The following PAX5 variants were observed in gnomAD, a reference collection of about 807,000 sequenced individuals.
The protein encoded by PAX5 is paired box protein Pax-5.
PAX5 carries 9 observed loss-of-function variants against 43.7 expected under a neutral mutation model. That is an observed-to-expected ratio of 0.21 (90% CI 0.12 to 0.36). PAX5 has a LOEUF of 0.36. Ranked by LOEUF, PAX5 falls within the 10% of genes least tolerant of loss-of-function variation. The pLI is 1.00. For synonymous variants in PAX5, 228 were observed against 214.3 expected, an observed-to-expected ratio of 1.06 and a Z score of -0.56; for missense variants, 383 against 532.7, an observed-to-expected ratio of 0.72 and a Z score of 2.77.
At chr9:36,885,867 C>T (rs955357251) in intron 7 of PAX5, among the ~76,000 whole-genome samples, 18 of 152,144 alleles carry the variant, frequency 1.2e-4, no homozygotes, top group Non-Finnish European at 7.3e-5. Context: ...GTTTTTAAAA[C>T]CAAATAAATT....
chr9:36,959,398 T>C (rs149066853), intron 6 of PAX5, among the ~76,000 whole-genome samples: 2 of 152,356 alleles, frequency 1.3e-5, no homozygotes, highest in African/African-American at 4.8e-5. Context: ...TGAGTTCTTT[T>C]AGCCTGTCTT....
intron 6 of PAX5, among the ~76,000 whole-genome samples, chr9:36,928,538 T>G (rs1198782469): frequency 2.0e-5 from 3 of 152,204 alleles, no homozygotes; most frequent in Non-Finnish European, 1.5e-5. Flanking sequence ...ACATCCTTAG[T>G]GCCCCCTAAG....
chr9:36,853,230 T>C (rs1232693828), intron 8 of PAX5, among the ~76,000 whole-genome samples: 1 of 151,946 alleles, frequency 6.6e-6, no homozygotes, highest in African/African-American at 2.4e-5. Flanking sequence ...TTTACTAGTT[T>C]TTTCTTTGGA....
At chr9:36,860,869 C>T (rs1824149770) in intron 8 of PAX5, 1 of 152,228 alleles carries the variant, frequency 6.6e-6, no homozygotes, top group South Asian at 2.1e-4. Flanking sequence ...TAGGATGACC[C>T]TCACAGCTCC....
At chr9:37,024,435 T>C (rs1442478528) in intron 1 of PAX5, among the ~76,000 whole-genome samples, 2 of 152,012 alleles carry the variant, frequency 1.3e-5, no homozygotes, top group African/African-American at 2.4e-5. Flanking sequence ...AGGAGGAAGG[T>C]GACGAAGTGG....
intron 1 of PAX5, among the ~76,000 whole-genome samples, chr9:37,025,446 C>G (rs1249318065): frequency 6.6e-6 from 1 of 152,110 alleles, no homozygotes; most frequent in East Asian, 1.9e-4. Context: ...GTGGGAGGAC[C>G]AGGCATGGGG....
chr9:36,943,921 C>T (rs1044895503), intron 6 of PAX5, among the ~76,000 whole-genome samples: 2 of 152,092 alleles, frequency 1.3e-5, no homozygotes, highest in African/African-American at 4.8e-5. Context: ...CTCAGTGGCT[C>T]ACACCTGTAA....
At chr9:36,891,989 C>T (rs553841361) in intron 7 of PAX5, among the ~76,000 whole-genome samples, 4 of 152,194 alleles carry the variant, frequency 2.6e-5, no homozygotes, top group African/African-American at 9.7e-5. Flanking sequence ...ATTTTGGAAG[C>T]GTGTTTGAAT....
intron 7 of PAX5, among the ~76,000 whole-genome samples, chr9:36,902,537 A>G (rs2131864046): frequency 6.6e-6 from 1 of 152,340 alleles, no homozygotes; most frequent in East Asian, 1.9e-4. Flanking sequence ...CAGGCCACAG[A>G]GAAACTAGGC....
chr9:36,978,430 C>T lies in PAX5; in HGVS notation c.605-11706G>A, dbSNP rs557056956. Among the ~76,000 whole-genome samples, 4 of 152,242 alleles carry T rather than the reference C, an allele frequency of 2.6e-5. No individual in the cohort carries two copies. In the East Asian group the frequency reaches 7.7e-4, roughly 29 times the overall value. The stretch of plus-strand genomic sequence containing the variant: ...TCATTTTAATTATACCTGGAAGGAC[C>T]TGGAAGGGATGCATACATCCCTTTT... On this transcript the variant is annotated intron_variant, in intron 5 of 9. Coordinates refer to ENST00000358127, the MANE Select transcript of PAX5 (RefSeq NM_016734.3).
Position 37,034,008 on chromosome 9 carries a change from C to T in PAX5, c.24G>A (p.Pro8=), listed in dbSNP as rs1424364311. 6.2e-7 allele frequency: 1 copy of T among 1,605,114 alleles called. No individual in the cohort carries two copies. The highest frequency in any genetic ancestry group is 1.4e-5 in the African/African-American group (1 of 73,404). The change falls in exon 1 of 10, where the codon CCG becomes CCA. Residue 8 remains proline (P), a synonymous_variant. Coordinates refer to ENST00000358127, the MANE Select transcript of PAX5 (RefSeq NM_016734.3). ...TACCTGTCCTGCTGGTCCGAGGAGT[C>T]GGATAATTTTTCTCTAAATCCATTT... MDLEKNY[P]TPRTSRTGHG...
chr9:36,941,500 C>CT (rs769040689), intron 6 of PAX5, among the ~76,000 whole-genome samples: 8 of 152,132 alleles, frequency 5.3e-5, no homozygotes, highest in Non-Finnish European at 1.2e-4. Flanking sequence ...CCTGTCCTGG[C>CT]TCCAGCTCAT....
At chr9:36,923,298 A>G in intron 7 of PAX5, 57 bp downstream of exon 7, 2 of 1,562,480 alleles carry the variant, frequency 1.3e-6, no homozygotes, top group Non-Finnish European at 1.7e-6. Flanking sequence ...TTCCCACCAC[A>G]CACTCCTATC....
chr9:36,954,281 A>G (rs1264374377), intron 6 of PAX5, among the ~76,000 whole-genome samples: 5 of 152,334 alleles, frequency 3.3e-5, no homozygotes, highest in Admixed American at 2.6e-4. Flanking sequence ...AGGCCAAGAA[A>G]ACGTGTTGAT....
chr9:36,917,993 CT>C (rs1166286190), intron 7 of PAX5, among the ~76,000 whole-genome samples: 2 of 152,128 alleles, frequency 1.3e-5, no homozygotes, highest in Non-Finnish European at 2.9e-5. Context: ...CCAATAAATG[CT>C]GTGTGTGTTC....
At chr9:36,914,537 T>C (rs1829575743) in intron 7 of PAX5, among the ~76,000 whole-genome samples, 1 of 152,224 alleles carries the variant, frequency 6.6e-6, no homozygotes, top group African/African-American at 2.4e-5. Context: ...CATATCATAG[T>C]ACATATTATT....
intron 8 of PAX5, among the ~76,000 whole-genome samples, chr9:36,880,795 C>G (rs1480784563): frequency 1.3e-5 from 2 of 152,218 alleles, no homozygotes; most frequent in Non-Finnish European, 2.9e-5. Flanking sequence ...CCAGGCTGGT[C>G]TCGAACTCCT....
intron 8 of PAX5, among the ~76,000 whole-genome samples, chr9:36,853,516 C>T (rs1299223363): frequency 2.6e-5 from 4 of 152,132 alleles, no homozygotes; most frequent in Non-Finnish European, 5.9e-5. Context: ...GAAAGAGCCC[C>T]TGACCTGCAA....
At chr9:36,913,229 A>T (rs1587951601) in intron 7 of PAX5, among the ~76,000 whole-genome samples, 1 of 152,214 alleles carries the variant, frequency 6.6e-6, no homozygotes, top group Non-Finnish European at 1.5e-5. Flanking sequence ...GGGGAGCCTC[A>T]GTCCCCAGGG....
Sources: gnomAD v4.1 joint callset for allele counts (sites outside exome capture counted in the v4.1 genomes callset) on GRCh38, gnomAD v4.1.1 for gene constraint, MANE v1.5 for transcripts, NCBI Gene and HGNC (gene_info 2026-07-23, HGNC 2026-07-21) for gene names.